The following ZNF384 variants were observed in gnomAD, a reference collection of about 807,000 sequenced individuals.
ZNF384 encodes the protein CAG repeat protein 1.
In ZNF384, 20 loss-of-function variants were observed where a neutral mutation model predicts 65.0. The ratio of observed to expected loss-of-function variants is 0.31; its 90% CI spans 0.22 to 0.45. The LOEUF is 0.45. ZNF384 is among the 20% of genes least tolerant of loss of function. The pLI is 1.00. For missense variants in ZNF384, 549 were observed against 769.4 expected (o/e 0.71, Z 3.39); for synonymous variants, 310 against 303.9 (o/e 1.02, Z -0.21).
In ZNF384 at chr12:6,673,203, A is replaced by C; in HGVS notation, c.1004+13T>G. The C allele has an allele frequency of 6.2e-7, 1 of 1,612,296 alleles. No individual in the cohort carries two copies. The highest frequency in any genetic ancestry group is 8.5e-7 in the Non-Finnish European group (1 of 1,178,792). On this transcript the variant is annotated intron_variant, in intron 8 of 11. Coordinates refer to ENST00000683879, the MANE Select transcript of ZNF384 (RefSeq NM_001385745.1). This position sits in a 1 kb window ranked among gnomAD's most constrained non-coding sequence, Gnocchi z 4.7. ...CACGGCCAGGTGGTGGGGTAAACCA[A>C]GAGCAGCCTTACCGGGTGTGCTGCT...
At chr12:6,670,421 T>C (rs1951081164) in intron 10 of ZNF384, among the ~76,000 whole-genome samples, 1 of 152,156 alleles carries the variant, frequency 6.6e-6, no homozygotes. Flanking sequence ...AGCAAGGTCC[T>C]GTCCCAAAAA....
chr12:6,682,456 T>C (rs776485859), intron 2 of ZNF384, among the ~76,000 whole-genome samples: 7 of 152,130 alleles, frequency 4.6e-5, no homozygotes, highest in Non-Finnish European at 8.8e-5. Flanking sequence ...TCCACCAGCA[T>C]AGGCAACATG....
intron 2 of ZNF384, among the ~76,000 whole-genome samples, chr12:6,685,279 C>T (rs1001070902): frequency 1.0e-4 from 15 of 150,746 alleles, no homozygotes; most frequent in African/African-American, 2.9e-4. Flanking sequence ...GCCATTATCA[C>T]GCCACTGCAC....
At chr12:6,671,358 G>T (rs542778766) in intron 9 of ZNF384, 14 of 154,386 alleles carry the variant, frequency 9.1e-5, no homozygotes, top group African/African-American at 3.4e-4. Flanking sequence ...GCTTTTTGCA[G>T]CCCAGCCCCC....
chr12:6,682,806 T>TA (rs1956519783), intron 2 of ZNF384, among the ~76,000 whole-genome samples: 1 of 152,194 alleles, frequency 6.6e-6, no homozygotes. Flanking sequence ...ATCCCCAACA[T>TA]ACGACTTTAT....
In ZNF384 at chr12:6,679,031, T is replaced by C; in HGVS notation, c.219A>G (p.Ser73=). 1 of 1,614,016 alleles carries C rather than the reference T, an allele frequency of 6.2e-7. No individual in the cohort carries two copies. Among genetic ancestry groups the C allele is most frequent in the Admixed American group, 1.7e-5 (1 of 59,998 alleles). Residue 73 remains serine (S), a synonymous_variant, in exon 4 of 12, where the codon TCA becomes TCG. Coordinates refer to ENST00000683879, the MANE Select transcript of ZNF384 (RefSeq NM_001385745.1). ...CTTGGCTGTGTGGGGTCAGCTGGTC[T>C]GACTTGGACTCTGTGTCCATACTGA... The part of the protein sequence containing the change: ...SGISMDTESK[S]DQLTPHSQAS...
chr12:6,672,284 G>GTT lies in ZNF384; in HGVS notation c.1187+65_1187+66insAA. Reference sequence around the variant, plus strand: ...CCCCCGCATGCGGGTTGTTGTGTGTGTCCGGGGCGGGGGTGGGGAGGGCAT... The same window carrying GTT: ...CCCCCGCATGCGGGTTGTTGTGTGTGTTTCCGGGGCGGGGGTGGGGAGGGCAT... On this transcript the variant is annotated intron_variant, in intron 9 of 11. Coordinates refer to ENST00000683879, the MANE Select transcript of ZNF384 (RefSeq NM_001385745.1). This position sits in a 1 kb window ranked among gnomAD's most constrained non-coding sequence, Gnocchi z 4.4. 8 of 1,515,910 alleles carry GTT rather than the reference G, an allele frequency of 5.3e-6. No individual in the cohort carries two copies. Among genetic ancestry groups the GTT allele is most frequent in the Admixed American group, 2.0e-5 (1 of 50,118 alleles). 93.9% of individuals were successfully genotyped at this position (1,515,910 alleles called of 1,614,324 possible). A position where few individuals can be genotyped will look rare whatever the true frequency, so the allele number is the denominator to read the frequency against.
intron 7 of ZNF384, among the ~76,000 whole-genome samples, chr12:6,676,752 A>C (rs1163418420): frequency 6.6e-6 from 1 of 152,246 alleles, no homozygotes; most frequent in African/African-American, 2.4e-5. Flanking sequence ...GATATATAAG[A>C]GAATGCCTTT....
rs772816459 is a variant in ZNF384, at chr12:6,678,273, A to G, written c.540T>C (p.Gly180=). The part of the protein sequence containing the change: ...STLTEEGGGG[G]GGGGSVAPKP... ...TAGGAGCCACACTGCCACCTCCACC[A>G]CCACCTCCGCCTCCTTCCTCGGTTA... The change falls in exon 6 of 12, where the codon GGT becomes GGC. Residue 180 remains glycine (G), a synonymous_variant. Transcript: ENST00000683879. The surrounding 1 kb of genome is among the most constrained non-coding windows in gnomAD (Gnocchi z 4.9). The G allele has an allele frequency of 3.1e-6, 5 of 1,613,802 alleles. No individual in the cohort carries two copies. The highest frequency in any genetic ancestry group is 4.2e-6 in the Non-Finnish European group (5 of 1,179,994).
chr12:6,689,524 C>G (rs1959172980), upstream of ZNF384: 1 of 152,272 alleles, frequency 6.6e-6, no homozygotes, highest in Admixed American at 6.5e-5. Flanking sequence ...GTAGGGGGGG[C>G]GCTAATGGAG....
intron 11 of ZNF384, 26 bp from the exon 12 acceptor site, chr12:6,668,141 G>A: frequency 1.3e-6 from 2 of 1,539,908 alleles, no homozygotes; most frequent in Non-Finnish European, 1.8e-6. Context: ...AAAAGAAGTT[G>A]AGGGATAAAG....
At chr12:6,668,917 TGGAGCTAGGGAG>T in intron 11 of ZNF384, 102 bp downstream of exon 11, 1 of 1,157,212 alleles carries the variant, frequency 8.6e-7, no homozygotes, top group Non-Finnish European at 1.2e-6. Flanking sequence ...TCTGCTAAGT[TGGAGCTAGGGAG>T]GCAGGGTATT....
chr12:6,684,324 A>C (rs1174406758), intron 2 of ZNF384, among the ~76,000 whole-genome samples: 1 of 150,804 alleles, frequency 6.6e-6, no homozygotes, highest in Non-Finnish European at 1.5e-5. Flanking sequence ...TTGATCCAGG[A>C]AATAAAATTT....
At position 6,678,212 on chromosome 12, in the gene ZNF384, C is replaced by T; in HGVS notation, c.601G>A (p.Glu201Lys). 3 of 1,614,192 alleles carry T rather than the reference C, an allele frequency of 1.9e-6. No individual in the cohort carries two copies. Among genetic ancestry groups the T allele is most frequent in the African/African-American group, 1.3e-5 (1 of 75,052 alleles). ...TCATTCATCTCGGGCAGCCCTGATTCCAGCATCCGCTTCTTCTTCCGGCCC... is the reference window on the plus strand; with the variant it reads ...TCATTCATCTCGGGCAGCCCTGATTTCAGCATCCGCTTCTTCTTCCGGCCC... ...PRGRKKKRML[E>K]SGLPEMNDPY... Residue 201 changes from glutamate (E) to lysine (K), a missense_variant, in exon 6 of 12, where the codon GAA (glutamate) becomes AAA (lysine). By Grantham distance (56) the Glu-to-Lys change is moderately conservative (BLOSUM62 1). Coordinates refer to ENST00000683879, the MANE Select transcript of ZNF384 (RefSeq NM_001385745.1). The surrounding 1 kb of genome is among the most constrained non-coding windows in gnomAD (Gnocchi z 4.9).
At chr12:6,686,795 G>A (rs957872151) in intron 2 of ZNF384, among the ~76,000 whole-genome samples, 3 of 152,152 alleles carry the variant, frequency 2.0e-5, no homozygotes, top group African/African-American at 7.2e-5. Context: ...ACAAGATGAG[G>A]ACTATTAGCG....
In ZNF384 at chr12:6,678,834, G is replaced by A; in HGVS notation, c.304+112C>T. On this transcript the variant is annotated intron_variant, in intron 4 of 11. Coordinates refer to ENST00000683879, the MANE Select transcript of ZNF384 (RefSeq NM_001385745.1). This position sits in a 1 kb window ranked among gnomAD's most constrained non-coding sequence, Gnocchi z 4.9. ...CACAGTAGGCACTTAATAAAAATTT[G>A]ATTGAATAATCAAACACATATCCCA... The A allele has an allele frequency of 6.8e-7, 1 of 1,473,634 alleles. No homozygotes were observed. The highest frequency in any genetic ancestry group is 9.4e-7 in the Non-Finnish European group (1 of 1,061,762). 91.3% of individuals were successfully genotyped at this position (1,473,634 alleles called of 1,614,324 possible).
chr12:6,669,318 A>G lies in ZNF384; in HGVS notation c.1267-129T>C, dbSNP rs1950605651. 3.2e-6 allele frequency: 3 copies of G among 932,718 alleles called. No homozygotes were observed. The South Asian group carries it at 5.4e-5, about 17-fold the overall frequency. The allele number at this position is 932,718 out of a possible 1,614,324, so 57.8% of individuals were successfully genotyped here. On this transcript the variant is annotated intron_variant, in intron 10 of 11. Coordinates refer to ENST00000683879, the MANE Select transcript of ZNF384 (RefSeq NM_001385745.1). ...CTCCCTCTATCTGAAGAAAGTAGAAATTGTTTCAAATGAAACTTGAGAAGC... is the reference window on the plus strand; with the variant it reads ...CTCCCTCTATCTGAAGAAAGTAGAAGTTGTTTCAAATGAAACTTGAGAAGC...
chr12:6,685,335 A>AGAAAAAAC (rs1957510559), intron 2 of ZNF384, among the ~76,000 whole-genome samples: 1 of 150,654 alleles, frequency 6.6e-6, no homozygotes, highest in African/African-American at 2.5e-5. Context: ...AAAGAAAAAA[A>AGAAAAAAC]GAAAAAGAAA....
Position 6,678,533 on chromosome 12 carries a change from G to T in ZNF384, c.353-73C>A. 1.3e-6 allele frequency: 2 copies of T among 1,535,338 alleles called. No individual in the cohort carries two copies. The highest frequency in any genetic ancestry group is 1.2e-5 in the South Asian group (1 of 84,836). On this transcript the variant is annotated intron_variant, in intron 5 of 11. Transcript: ENST00000683879. This position sits in a 1 kb window ranked among gnomAD's most constrained non-coding sequence, Gnocchi z 4.9. ...TCCTAATCCTATTTCATTTCCCCCA[G>T]ATCATTGTCTAATTAACCCCTCACC...
Sources: gnomAD v4.1 joint callset for allele counts (sites outside exome capture counted in the v4.1 genomes callset) on GRCh38, gnomAD v4.1.1 for gene constraint, Gnocchi (gnomAD v3.1) non-coding constraint, MANE v1.5 for transcripts, NCBI Gene and HGNC (gene_info 2026-07-23, HGNC 2026-07-21) for gene names.